The following MIPEP variants were observed in gnomAD, a reference collection of about 807,000 sequenced individuals.
MIPEP encodes mitochondrial intermediate peptidase.
MIPEP carries 79 observed loss-of-function variants against 90.3 expected under a neutral mutation model. The ratio of observed to expected loss-of-function variants is 0.87; its 90% confidence interval spans 0.73 to 1.05. The LOEUF is 1.05. Ranked by LOEUF, MIPEP falls within the 50% of genes least tolerant of loss-of-function variation. The probability of loss-of-function intolerance (pLI) is 0.00; values close to 1 mark genes in which losing one functional copy is unlikely to be tolerated. For missense variants in MIPEP, 940 were observed against 905.6 expected (o/e 1.04, Z -0.49); for synonymous variants, 334 against 315.8 (o/e 1.06, Z -0.61).
intron 14 of MIPEP, among the ~76,000 whole-genome samples, chr13:23,815,474 G>T (rs1270259818): frequency 6.6e-6 from 1 of 152,068 alleles, no homozygotes; most frequent in Non-Finnish European, 1.5e-5. Flanking sequence ...GCACCACTGT[G>T]CCTAATTTTT....
intron 18 of MIPEP, among the ~76,000 whole-genome samples, chr13:23,735,455 A>T (rs1441746770): frequency 6.6e-6 from 1 of 152,260 alleles, no homozygotes; most frequent in Non-Finnish European, 1.5e-5. Flanking sequence ...AAAGCCATTT[A>T]TTCAGAGCCA....
At chr13:23,848,235 T>C (rs539212171) in intron 10 of MIPEP, among the ~76,000 whole-genome samples, 3 of 152,342 alleles carry the variant, frequency 2.0e-5, no homozygotes, top group African/African-American at 4.8e-5. Context: ...CTGTAAATTA[T>C]AGCCACTATT....
chr13:23,808,373 A>G (rs958048912), intron 15 of MIPEP, among the ~76,000 whole-genome samples: 2 of 152,152 alleles, frequency 1.3e-5, no homozygotes, highest in East Asian at 1.9e-4. Flanking sequence ...TGCTGGGATT[A>G]TAAGTGTGAG....
At chr13:23,741,703 A>G (rs1328981958) in intron 18 of MIPEP, among the ~76,000 whole-genome samples, 1 of 151,758 alleles carries the variant, frequency 6.6e-6, no homozygotes, top group Non-Finnish European at 1.5e-5. Context: ...GCAAAAAAAA[A>G]TAACTATTGG....
Position 23,733,592 on chromosome 13 carries a change from A to G in MIPEP, c.2045-3147T>C, listed in dbSNP as rs187369088. Among the ~76,000 whole-genome samples the G allele has an allele frequency of 3.3e-4, 51 of 152,336 alleles. No homozygotes were observed. The East Asian group carries it at 6.9e-3, about 21-fold the overall frequency. On this transcript the variant is annotated intron_variant, in intron 18 of 18. Coordinates refer to ENST00000382172, the MANE Select transcript of MIPEP (RefSeq NM_005932.4). Reference sequence around the variant, plus strand: ...GACAGCTTGGGGACTAGAGGTGCAGATGTGATCATCCCACCAGAAAGCACA... The same window carrying G: ...GACAGCTTGGGGACTAGAGGTGCAGGTGTGATCATCCCACCAGAAAGCACA...
chr13:23,751,492 A>G (rs1169912836), intron 18 of MIPEP, among the ~76,000 whole-genome samples: 1 of 152,164 alleles, frequency 6.6e-6, no homozygotes, highest in African/African-American at 2.4e-5. Flanking sequence ...CCATTTGAAA[A>G]ACTCCATAAA....
intron 8 of MIPEP, among the ~76,000 whole-genome samples, chr13:23,862,592 T>C (rs1215767499): frequency 6.6e-6 from 1 of 152,216 alleles, no homozygotes; most frequent in African/African-American, 2.4e-5. Flanking sequence ...GGTGGATAAA[T>C]GTCTCAAGAG....
intron 16 of MIPEP, among the ~76,000 whole-genome samples, chr13:23,775,632 T>G (rs1952707180): frequency 6.6e-6 from 1 of 152,182 alleles, no homozygotes; most frequent in East Asian, 1.9e-4. Context: ...AAAGTTACAT[T>G]CATTAAACAA....
intron 10 of MIPEP, among the ~76,000 whole-genome samples, chr13:23,858,639 C>G (rs148890509): frequency 6.6e-6 from 1 of 151,910 alleles, no homozygotes; most frequent in African/African-American, 2.4e-5. Flanking sequence ...CAGAAAGCTA[C>G]GCAAGGGCAG....
At chr13:23,779,623 T>C (rs1474596277) in intron 16 of MIPEP, among the ~76,000 whole-genome samples, 4 of 151,712 alleles carry the variant, frequency 2.6e-5, no homozygotes, top group East Asian at 3.9e-4. Context: ...GGACAGTGGG[T>C]GCAGCCCACC....
At chr13:23,870,276 T>A (rs909943956) in intron 5 of MIPEP, 81 bp from the exon 6 acceptor site, 17 of 893,202 alleles carry the variant, frequency 1.9e-5, no homozygotes, top group Non-Finnish European at 2.7e-5. Flanking sequence ...TATAAATATG[T>A]CAAATCAACA....
At chr13:23,840,908 AC>A (rs1287975256) in intron 11 of MIPEP, among the ~76,000 whole-genome samples, 1 of 152,194 alleles carries the variant, frequency 6.6e-6, no homozygotes, top group Non-Finnish European at 1.5e-5. Flanking sequence ...CAGAACACGG[AC>A]GTAAATTAAT....
Position 23,889,166 on chromosome 13 carries a change from T to C in MIPEP, c.155A>G (p.Gln52Arg). Residue 52 changes from glutamine to arginine, a missense_variant, in exon 1 of 19, where the codon CAG becomes CGG. By Grantham distance (43) the Gln-to-Arg change is conservative. Coordinates refer to ENST00000382172, the MANE Select transcript of MIPEP (RefSeq NM_005932.4). ...GCCGAACAGGTCCAAGCGGCTGCCC[T>C]GGGGCTTGACATTGAAGGCGGCGCC... ...PVGAAFNVKPQGSRLDLFGER... is the reference protein window; with the variant it reads ...PVGAAFNVKPRGSRLDLFGER... 2.0e-6 allele frequency: 3 copies of C among 1,465,810 alleles called. No homozygotes were observed. The highest frequency in any genetic ancestry group is 2.6e-5 in the Admixed American group (1 of 37,756). 90.8% of individuals were successfully genotyped at this position (1,465,810 alleles called of 1,614,324 possible).
At chr13:23,801,825 G>A (rs1170378056) in intron 16 of MIPEP, among the ~76,000 whole-genome samples, 1 of 152,134 alleles carries the variant, frequency 6.6e-6, no homozygotes, top group East Asian at 1.9e-4. Flanking sequence ...TTTCTCTGAT[G>A]ACAATCACTT....
intron 16 of MIPEP, among the ~76,000 whole-genome samples, chr13:23,761,727 G>A (rs1438605338): frequency 2.0e-5 from 3 of 152,170 alleles, no homozygotes; most frequent in African/African-American, 7.2e-5. Context: ...TGTCCTCAAA[G>A]GCTACACTTA....
chr13:23,805,810 A>G, intron 16 of MIPEP, 140 bp downstream of exon 16: 2 of 861,288 alleles, frequency 2.3e-6, no homozygotes, highest in South Asian at 1.9e-5. Context: ...GAACCAGGCA[A>G]TTTCCAGCAT....
intron 10 of MIPEP, among the ~76,000 whole-genome samples, chr13:23,850,261 G>A (rs1251185978): frequency 6.6e-6 from 1 of 152,224 alleles, no homozygotes; most frequent in Non-Finnish European, 1.5e-5. Flanking sequence ...TTATAGCTGG[G>A]TGACATTTTG....
At chr13:23,880,396 C>T (rs529367940) in intron 3 of MIPEP, among the ~76,000 whole-genome samples, 1 of 152,214 alleles carries the variant, frequency 6.6e-6, no homozygotes. Flanking sequence ...AGAGGCTGCC[C>T]GCACTGCCCC....
At chr13:23,743,066 T>C (rs1258178764) in intron 18 of MIPEP, among the ~76,000 whole-genome samples, 1 of 152,224 alleles carries the variant, frequency 6.6e-6, no homozygotes, top group Non-Finnish European at 1.5e-5. Flanking sequence ...CCTCCATTAC[T>C]AGACATAACA....
Sources: allele counts gnomAD v4.1 joint callset (sites outside exome capture counted in the v4.1 genomes callset), GRCh38; gene constraint gnomAD v4.1.1; transcripts MANE v1.5; gene names NCBI Gene and HGNC (gene_info 2026-07-23, HGNC 2026-07-21).